RELN: variants seen among roughly 807,000 people sequenced by gnomAD.
RELN encodes reelin.
In RELN, 108 loss-of-function variants were observed where a neutral mutation model predicts 427.6. That is an observed-to-expected ratio of 0.25 (90% CI 0.22 to 0.30). The LOEUF (loss-of-function observed/expected upper bound fraction) is 0.30. RELN is among the 10% of genes least tolerant of loss of function. The probability of loss-of-function intolerance (pLI) is 1.00; values close to 1 mark genes in which losing one functional copy is unlikely to be tolerated. For missense variants in RELN, 3,715 were observed against 4,302.8 expected, an observed-to-expected ratio of 0.86 and a Z score of 3.82; for synonymous variants, 1,524 against 1,513.4, an observed-to-expected ratio of 1.01 and a Z score of -0.16.
intron 9 of RELN, among the ~76,000 whole-genome samples, chr7:103,700,457 T>C (rs1378190047): frequency 6.6e-6 from 1 of 152,054 alleles, no homozygotes; most frequent in Non-Finnish European, 1.5e-5. Flanking sequence ...TTAGGGAAGT[T>C]AGAAAGGATG....
intron 58 of RELN, among the ~76,000 whole-genome samples, 184 bp from the exon 59 acceptor site, chr7:103,491,013 G>C (rs1163141484): frequency 6.6e-6 from 1 of 152,116 alleles, no homozygotes; most frequent in African/African-American, 2.4e-5. Context: ...GAAATATTCT[G>C]ACTCTTTAAA....
rs933630927 is a variant in RELN, at chr7:103,735,415, T to C, written c.657-7208A>G. On this transcript the variant is annotated intron_variant, in intron 6 of 64. Coordinates refer to ENST00000428762, the MANE Select transcript of RELN (RefSeq NM_005045.4). Reference sequence around the variant, plus strand: ...GAAAATATGCTCAACCACCCATTCATTGGGCACAGAGGAAGATGAAGTGAA... The same window carrying C: ...GAAAATATGCTCAACCACCCATTCACTGGGCACAGAGGAAGATGAAGTGAA... 5.9e-5 allele frequency among the ~76,000 whole-genome samples: 9 copies of C among 152,194 alleles called. No homozygotes were observed. The South Asian group carries it at 6.2e-4, about 11-fold the overall frequency.
chr7:103,831,960 A>T lies in RELN; in HGVS notation c.473+1577T>A, dbSNP rs540676081. ...AAGCTACTGCAATCATCTTAGCAAAACATACTGGAAGGAAAATGTTCACTC... is the reference window on the plus strand; with the variant it reads ...AAGCTACTGCAATCATCTTAGCAAATCATACTGGAAGGAAAATGTTCACTC... On this transcript the variant is annotated intron_variant, in intron 3 of 64. Transcript: ENST00000428762. Among the ~76,000 whole-genome samples the T allele has an allele frequency of 1.6e-4, 24 of 152,270 alleles. No individual in the cohort carries two copies. In the South Asian group the frequency reaches 3.7e-3, roughly 24 times the overall value.
intron 2 of RELN, among the ~76,000 whole-genome samples, chr7:103,865,563 G>T (rs1431649900): frequency 6.6e-6 from 1 of 152,094 alleles, no homozygotes; most frequent in African/African-American, 2.4e-5. Flanking sequence ...GATCAAGTGG[G>T]ATTTATTTTG....
chr7:103,628,039 G>C (rs1057094945), intron 20 of RELN: 1 of 152,116 alleles, frequency 6.6e-6, no homozygotes, highest in East Asian at 1.9e-4. Flanking sequence ...ATGATTCTTT[G>C]TTATATTAGA....
intron 8 of RELN, 92 bp from the exon 9 acceptor site, chr7:103,701,098 C>A (rs1834081133): frequency 1.3e-6 from 1 of 793,652 alleles, no homozygotes; most frequent in Non-Finnish European, 2.2e-6. Flanking sequence ...AATTTTTAAA[C>A]TATTAGATAT....
At chr7:103,877,661 A>C (rs1288438103) in intron 2 of RELN, among the ~76,000 whole-genome samples, 3 of 152,020 alleles carry the variant, frequency 2.0e-5, no homozygotes, top group Non-Finnish European at 4.4e-5. Context: ...CCAACTCCCT[A>C]GTATAACCCA....
chr7:103,776,455 A>G lies in RELN; in HGVS notation c.544+102T>C. On this transcript the variant is annotated intron_variant, in intron 4 of 64. Coordinates refer to ENST00000428762, the MANE Select transcript of RELN (RefSeq NM_005045.4). ...GTCAATACTTACATTTTTAAAGCTT[A>G]CGATTAAGTAATCATAATGAAATGC... is the stretch of plus-strand genomic sequence containing the variant. 3.4e-6 allele frequency: 4 copies of G among 1,183,184 alleles called. No individual in the cohort carries two copies. In the South Asian group the frequency reaches 4.9e-5, roughly 14 times the overall value. 73.3% of individuals were successfully genotyped at this position (1,183,184 alleles called of 1,614,324 possible).
In RELN at chr7:103,487,187, C is replaced by T. The variant is rs1056195160; in HGVS notation, c.9764-771G>A. On this transcript the variant is annotated intron_variant, in intron 60 of 64. Transcript: ENST00000428762. ...AACCAAACCACCGCATGTTCTAATT[C>T]ATAGGTGGGAGTTGAACAATTAGAA... is the stretch of plus-strand genomic sequence containing the variant. Among the ~76,000 whole-genome samples the T allele has an allele frequency of 3.8e-4, 58 of 152,028 alleles. 1 individual carries two copies. Among genetic ancestry groups the T allele is most frequent in the Non-Finnish European group, 7.8e-4 (53 of 68,020 alleles).
At chr7:103,609,977 C>A (rs1259476741) in intron 22 of RELN, among the ~76,000 whole-genome samples, 2 of 152,096 alleles carry the variant, frequency 1.3e-5, no homozygotes, top group Non-Finnish European at 2.9e-5. Flanking sequence ...TGGTTAAGAT[C>A]ACGTGATTAA....
At chr7:103,525,017 C>T (rs530700541) in intron 46 of RELN, among the ~76,000 whole-genome samples, 5 of 152,140 alleles carry the variant, frequency 3.3e-5, no homozygotes, top group Non-Finnish European at 4.4e-5. Flanking sequence ...CATGGTCACT[C>T]GCCTCTGGAG....
At chr7:103,889,454 T>C (rs1333006339) in intron 2 of RELN, among the ~76,000 whole-genome samples, 1 of 152,186 alleles carries the variant, frequency 6.6e-6, no homozygotes, top group African/African-American at 2.4e-5. Context: ...ACGGAAAGTG[T>C]GAAAAGCCAT....
At chr7:103,561,422 TA>T in intron 36 of RELN, 109 bp downstream of exon 36, 1 of 934,072 alleles carries the variant, frequency 1.1e-6, no homozygotes, top group Non-Finnish European at 1.8e-6. Context: ...AACTATGTAT[TA>T]AATATTATGT....
At chr7:103,741,707 G>A (rs571029887) in intron 6 of RELN, among the ~76,000 whole-genome samples, 1 of 151,492 alleles carries the variant, frequency 6.6e-6, no homozygotes, top group Non-Finnish European at 1.5e-5. Flanking sequence ...GGGAAAGAGA[G>A]GAAGGCAGAG....
At chr7:103,790,434 C>A (rs1007678266) in intron 3 of RELN, among the ~76,000 whole-genome samples, 10 of 152,098 alleles carry the variant, frequency 6.6e-5, no homozygotes, top group African/African-American at 2.4e-4. Context: ...AGTGTATAAA[C>A]CTTTGACCAT....
chr7:103,944,808 A>G (rs1796186542), intron 1 of RELN, among the ~76,000 whole-genome samples: 1 of 152,064 alleles, frequency 6.6e-6, no homozygotes, highest in African/African-American at 2.4e-5. Context: ...ACCACTGAAA[A>G]TCCTGACACT....
chr7:103,982,049 C>T (rs772859627), intron 1 of RELN, among the ~76,000 whole-genome samples: 2 of 151,932 alleles, frequency 1.3e-5, no homozygotes, highest in Admixed American at 6.6e-5. Context: ...ACCTGTAGTC[C>T]CAGCTATTCA....
chr7:103,629,023 CT>C (rs1356133785), intron 20 of RELN, among the ~76,000 whole-genome samples: 1 of 152,182 alleles, frequency 6.6e-6, no homozygotes, highest in Non-Finnish European at 1.5e-5. Context: ...TCACTCTCGC[CT>C]GGGGGAACTG....
chr7:103,830,173 A>G (rs1230422572), intron 3 of RELN, among the ~76,000 whole-genome samples: 1 of 152,020 alleles, frequency 6.6e-6, no homozygotes, highest in Non-Finnish European at 1.5e-5. Context: ...ACTTACAATC[A>G]ATAAAATATA....
Sources: gnomAD v4.1 joint callset for allele counts (sites outside exome capture counted in the v4.1 genomes callset) on GRCh38, gnomAD v4.1.1 for gene constraint, MANE v1.5 for transcripts, NCBI Gene and HGNC (gene_info 2026-07-23, HGNC 2026-07-21) for gene names.